SLCO5A1: variants seen among roughly 807,000 people sequenced by gnomAD.
SLCO5A1 encodes organic anion transporter polypeptide-related protein 4.
SLCO5A1 carries 39 observed loss-of-function variants against 65.1 expected under a neutral mutation model. That is an observed-to-expected ratio of 0.60 (90% CI 0.46 to 0.78). The LOEUF is 0.78. SLCO5A1 is among the 30% of genes least tolerant of loss of function. SLCO5A1 has a pLI of 0.00. For synonymous variants in SLCO5A1, 438 were observed against 415.7 expected (o/e 1.05, Z -0.65); for missense variants, 1,029 against 1,069.4 (o/e 0.96, Z 0.53).
At chr8:69,752,982 A>G (rs1420317203) in intron 4 of SLCO5A1, among the ~76,000 whole-genome samples, 1 of 152,248 alleles carries the variant, frequency 6.6e-6, no homozygotes. Context: ...CATAGAGAAG[A>G]CAGAGAAAAG....
At chr8:69,748,631 C>T (rs1343738187) in intron 4 of SLCO5A1, among the ~76,000 whole-genome samples, 1 of 152,148 alleles carries the variant, frequency 6.6e-6, no homozygotes, top group Non-Finnish European at 1.5e-5. Flanking sequence ...TCCTGGCCAT[C>T]AAAGCAAAAA....
rs750472720 is a variant in SLCO5A1, at chr8:69,784,010, C to T, written c.908-22135G>A. 7.2e-5 allele frequency among the ~76,000 whole-genome samples: 11 copies of T among 152,228 alleles called. 1 individual carries two copies. Among genetic ancestry groups the T allele is most frequent in the Middle Eastern group, 3.4e-3 (1 of 294 alleles). On this transcript the variant is annotated intron_variant, in intron 2 of 9. Transcript: ENST00000260126. Reference sequence around the variant, plus strand: ...ATGCATGTGTGAGGCAGGGAATACACGGGAAATCTTTGTACCTTTCTCTCA... The same window carrying T: ...ATGCATGTGTGAGGCAGGGAATACATGGGAAATCTTTGTACCTTTCTCTCA...
intron 4 of SLCO5A1, among the ~76,000 whole-genome samples, chr8:69,740,995 A>G (rs1586746313): frequency 1.3e-5 from 2 of 152,238 alleles, no homozygotes; most frequent in South Asian, 4.1e-4. Context: ...TCACATGCAG[A>G]CCAGAGAAAA....
intron 5 of SLCO5A1, among the ~76,000 whole-genome samples, chr8:69,729,697 A>C (rs1327582549): frequency 1.3e-5 from 2 of 152,108 alleles, no homozygotes; most frequent in Non-Finnish European, 2.9e-5. Flanking sequence ...AAAGAGAGAG[A>C]GAGAGAGCGT....
At position 69,832,624 on chromosome 8, in the gene SLCO5A1, G is replaced by C. The variant is rs369685189; in HGVS notation, c.50C>G (p.Ala17Gly). The change falls in exon 2 of 10, where the codon GCG becomes GGG. Residue 17 changes from alanine (A) to glycine (G), a missense_variant. This residue lies in a region of SLCO5A1 where 647 missense variants were observed against 647.5 expected (regional missense o/e 1.00). Transcript: ENST00000260126. This position sits in a 1 kb window ranked among gnomAD's most constrained non-coding sequence, Gnocchi z 4.5. ...LQPGAGEQLE[A>G]PATAEAVQER... ...TTGGACAGCTTCTGCAGTGGCCGGC[G>C]CCTCCAGCTGCTCTCCCGCCCCGGG... 6.2e-7 allele frequency: 1 copy of C among 1,609,372 alleles called. No individual in the cohort carries two copies. The highest frequency in any genetic ancestry group is 1.3e-5 in the African/African-American group (1 of 74,936).
At chr8:69,739,870 A>G (rs962054773) in intron 4 of SLCO5A1, among the ~76,000 whole-genome samples, 2 of 152,184 alleles carry the variant, frequency 1.3e-5, no homozygotes, top group Non-Finnish European at 2.9e-5. Context: ...AGTTAAGATT[A>G]CCTATCAACA....
Position 69,679,632 on chromosome 8 carries a change from A to C in SLCO5A1, c.1783-13T>G, listed in dbSNP as rs774933185. 1 of 1,612,302 alleles carries C rather than the reference A, an allele frequency of 6.2e-7. No homozygotes were observed. The highest frequency in any genetic ancestry group is 2.2e-5 in the East Asian group (1 of 44,836). ...TATAATTCCGTATCTAAGTGAGCAA[A>C]ATAAAGATGAGTTGTGTGCCCCTCA... is the stretch of plus-strand genomic sequence containing the variant. On this transcript the variant is annotated splice_polypyrimidine_tract_variant and intron_variant, in intron 7 of 9. Transcript: ENST00000260126.
intron 2 of SLCO5A1, among the ~76,000 whole-genome samples, chr8:69,803,626 C>T: frequency 6.6e-6 from 1 of 152,176 alleles, no homozygotes; most frequent in Non-Finnish European, 1.5e-5. Context: ...CTCAGCTCCC[C>T]TCTACCTTCT....
chr8:69,784,048 T>C (rs1005615689), intron 2 of SLCO5A1, among the ~76,000 whole-genome samples: 2 of 152,184 alleles, frequency 1.3e-5, no homozygotes, highest in African/African-American at 4.8e-5. Flanking sequence ...GTTGCTGTGA[T>C]CCTAAAACTC....
intron 2 of SLCO5A1, among the ~76,000 whole-genome samples, chr8:69,787,477 C>A (rs1228151052): frequency 6.6e-6 from 1 of 152,190 alleles, no homozygotes; most frequent in Admixed American, 6.5e-5. Flanking sequence ...ATCCCTCAGC[C>A]TAAACCCTTA....
intron 2 of SLCO5A1, among the ~76,000 whole-genome samples, chr8:69,817,902 T>TC (rs1196841598): frequency 1.3e-5 from 2 of 152,260 alleles, no homozygotes; most frequent in South Asian, 4.1e-4. Flanking sequence ...GATTGCTTTT[T>TC]CCCCACCAAG....
At position 69,796,624 on chromosome 8, in the gene SLCO5A1, T is replaced by TTATA. The variant is rs144335187; in HGVS notation, c.908-34753_908-34750dup. Among the ~76,000 whole-genome samples the TTATA allele has an allele frequency of 1.7e-3, 256 of 148,946 alleles. 1 individual carries two copies. The highest frequency in any genetic ancestry group is 5.5e-3 in the South Asian group (26 of 4,704). On this transcript the variant is annotated intron_variant, in intron 2 of 9. Transcript: ENST00000260126. ...AAAGCAAGATTCTGTCTCAAACATT[T>TTATA]TATATATATATATATACACACACAC...
intron 2 of SLCO5A1, among the ~76,000 whole-genome samples, chr8:69,765,080 A>G (rs930110158): frequency 4.6e-5 from 7 of 152,216 alleles, no homozygotes; most frequent in Admixed American, 1.3e-4. Flanking sequence ...TATTTCTATT[A>G]TATAGCAAGC....
chr8:69,717,244 C>A (rs866123241), intron 5 of SLCO5A1, among the ~76,000 whole-genome samples: 1 of 152,124 alleles, frequency 6.6e-6, no homozygotes, highest in Non-Finnish European at 1.5e-5. Context: ...TACATTAAGG[C>A]TTTCGATTTA....
intron 7 of SLCO5A1, 88 bp downstream of exon 7, chr8:69,682,096 G>A: frequency 1.4e-6 from 2 of 1,385,942 alleles, no homozygotes; most frequent in East Asian, 2.6e-5. Context: ...AAGAAAGACT[G>A]AAGTCATTGT....
intron 6 of SLCO5A1, among the ~76,000 whole-genome samples, chr8:69,700,968 C>T: frequency 6.6e-6 from 1 of 151,932 alleles, no homozygotes; most frequent in African/African-American, 2.4e-5. Context: ...TCCACAGAGT[C>T]CAAAAAACAA....
intron 6 of SLCO5A1, among the ~76,000 whole-genome samples, chr8:69,694,846 G>A (rs1464241887): frequency 6.6e-6 from 1 of 152,180 alleles, no homozygotes; most frequent in Non-Finnish European, 1.5e-5. Context: ...GCAGCTTCCA[G>A]CACTCTTAGT....
intron 4 of SLCO5A1, among the ~76,000 whole-genome samples, chr8:69,752,770 G>A (rs995108791): frequency 2.0e-5 from 3 of 152,194 alleles, no homozygotes; most frequent in African/African-American, 7.2e-5. Flanking sequence ...AATCAGCTGT[G>A]TGTCCCAGTC....
intron 4 of SLCO5A1, among the ~76,000 whole-genome samples, chr8:69,740,618 A>G (rs1816753531): frequency 1.3e-5 from 2 of 152,212 alleles, no homozygotes; most frequent in Non-Finnish European, 2.9e-5. Context: ...CTAGCAACCA[A>G]TTCTTGATTT....
Sources: allele counts gnomAD v4.1 joint callset (sites outside exome capture counted in the v4.1 genomes callset), GRCh38; gene constraint gnomAD v4.1.1; regional missense constraint gnomAD v4.1.1; non-coding constraint Gnocchi (gnomAD v3.1); transcripts MANE v1.5; gene names NCBI Gene and HGNC (gene_info 2026-07-23, HGNC 2026-07-21).